DLGAP2: variants seen among roughly 807,000 people sequenced by gnomAD.
The protein encoded by DLGAP2 is DLG associated protein 2.
In DLGAP2, 26 loss-of-function variants were observed where a neutral mutation model predicts 100.3. The observed-to-expected ratio is 0.26, with a 90% CI of 0.19 to 0.36. The LOEUF (loss-of-function observed/expected upper bound fraction) is 0.36, where lower values mean the gene tolerates loss of function less well. Among genes scored for constraint, DLGAP2 ranks in the 10% least tolerant of loss-of-function variants. The pLI, the probability that DLGAP2 is intolerant of heterozygous loss-of-function variation, is 1.00. For synonymous variants in DLGAP2, 886 were observed against 630.1 expected (o/e 1.41, Z -6.08); for missense variants, 1,858 against 1,453.2 (o/e 1.28, Z -4.53).
intron 10 of DLGAP2, among the ~76,000 whole-genome samples, chr8:1,670,520 C>G (rs1798664183): frequency 6.6e-6 from 1 of 152,224 alleles, no homozygotes. Flanking sequence ...GAACTGCACC[C>G]CCAGCCTGTT....
At chr8:1,220,244 T>A (rs192093193) in intron 2 of DLGAP2, among the ~76,000 whole-genome samples, 1 of 152,196 alleles carries the variant, frequency 6.6e-6, no homozygotes. Context: ...TGTAATCATT[T>A]AGTGCTAGAA....
intron 1 of DLGAP2, among the ~76,000 whole-genome samples, chr8:766,205 A>G (rs1046842394): frequency 4.6e-5 from 7 of 152,094 alleles, no homozygotes; most frequent in African/African-American, 1.7e-4. Context: ...AATCCACACA[A>G]CTCACATACA....
At chr8:1,497,494 G>A (rs1304531170) in intron 3 of DLGAP2, among the ~76,000 whole-genome samples, 1 of 152,252 alleles carries the variant, frequency 6.6e-6, no homozygotes, top group East Asian at 1.9e-4. Context: ...GACTGGTGGA[G>A]CAAATGGTTC....
chr8:1,490,590 C>T (rs1799350583), intron 3 of DLGAP2, among the ~76,000 whole-genome samples: 1 of 152,192 alleles, frequency 6.6e-6, no homozygotes, highest in African/African-American at 2.4e-5. Context: ...CCCTGGGCCA[C>T]AGTCGGCTCA....
At chr8:863,521 C>T (rs544330698) in intron 1 of DLGAP2, among the ~76,000 whole-genome samples, 22 of 152,292 alleles carry the variant, frequency 1.4e-4, no homozygotes, top group African/African-American at 3.1e-4. Context: ...GGATATTAAC[C>T]GCTGTCAGAT....
chr8:1,323,607 G>A (rs1034679153), intron 3 of DLGAP2, among the ~76,000 whole-genome samples: 2 of 152,210 alleles, frequency 1.3e-5, no homozygotes, highest in Non-Finnish European at 2.9e-5. Context: ...TGCTGTACGG[G>A]GATGCAGATA....
At chr8:1,365,315 G>T (rs1802084878) in intron 3 of DLGAP2, among the ~76,000 whole-genome samples, 1 of 152,144 alleles carries the variant, frequency 6.6e-6, no homozygotes, top group African/African-American at 2.4e-5. Context: ...TCCGCACCGA[G>T]GCTGCAGGTG....
chr8:1,266,092 A>C (rs926111506), intron 3 of DLGAP2, among the ~76,000 whole-genome samples: 4 of 152,264 alleles, frequency 2.6e-5, no homozygotes, highest in Non-Finnish European at 5.9e-5. Context: ...ATAGAACCTC[A>C]CTGAAGGGAG....
At chr8:1,182,616 T>C (rs957601725) in intron 2 of DLGAP2, among the ~76,000 whole-genome samples, 17 of 152,182 alleles carry the variant, frequency 1.1e-4, no homozygotes, top group African/African-American at 3.6e-4. Flanking sequence ...AAATGAGTGC[T>C]TTTGGCAGTT....
At chr8:1,373,158 T>C (rs1802288269) in intron 3 of DLGAP2, among the ~76,000 whole-genome samples, 1 of 152,300 alleles carries the variant, frequency 6.6e-6, no homozygotes, top group African/African-American at 2.4e-5. Context: ...GGGTCTCATT[T>C]GCTTTGGCCG....
At chr8:1,539,960 C>A (rs554225826) in intron 4 of DLGAP2, among the ~76,000 whole-genome samples, 1 of 152,308 alleles carries the variant, frequency 6.6e-6, no homozygotes, top group Non-Finnish European at 1.5e-5. Context: ...TTCTCTGCTC[C>A]TATGGCCTCC....
At chr8:893,322 G>T (rs1798074668) in intron 1 of DLGAP2, among the ~76,000 whole-genome samples, 1 of 152,220 alleles carries the variant, frequency 6.6e-6, no homozygotes, top group Non-Finnish European at 1.5e-5. Context: ...AGGCACGGTG[G>T]AAGACCCTGA....
At chr8:799,943 T>C (rs1330716121) in intron 1 of DLGAP2, among the ~76,000 whole-genome samples, 3 of 152,234 alleles carry the variant, frequency 2.0e-5, no homozygotes, top group African/African-American at 7.2e-5. Context: ...GAATTAATGC[T>C]GTAATTGCAG....
At chr8:1,561,687 C>T (rs28580355) in intron 5 of DLGAP2, among the ~76,000 whole-genome samples, 53,106 of 147,124 alleles carry the variant, frequency 0.36, 9,834 homozygotes, top group East Asian at 0.49. Flanking sequence ...TGGGTGTCCG[C>T]GCCTCGTTAC....
intron 2 of DLGAP2, among the ~76,000 whole-genome samples, chr8:1,215,062 T>C (rs1328620015): frequency 6.6e-6 from 1 of 152,078 alleles, no homozygotes; most frequent in African/African-American, 2.4e-5. Flanking sequence ...AAAGGGAAAA[T>C]CAACGTCATC....
intron 1 of DLGAP2, among the ~76,000 whole-genome samples, chr8:788,843 C>T (rs1821949599): frequency 6.6e-6 from 1 of 152,128 alleles, no homozygotes; most frequent in South Asian, 2.1e-4. Flanking sequence ...GTGACTTTTT[C>T]CCATGGGCTT....
At chr8:1,436,575 T>C (rs1221526072) in intron 3 of DLGAP2, among the ~76,000 whole-genome samples, 1 of 152,180 alleles carries the variant, frequency 6.6e-6, no homozygotes, top group Non-Finnish European at 1.5e-5. Flanking sequence ...TGACACTCCA[T>C]ATTAACCATC....
chr8:1,537,722 AAAGGATGGAAGGAAGGAAGGAAGG>A (rs1173901273), intron 4 of DLGAP2, among the ~76,000 whole-genome samples: 38 of 121,440 alleles, frequency 3.1e-4, no homozygotes, highest in African/African-American at 9.1e-4. Context: ...TGGATGGATG[AAAGGATGGAAGGAAGGAAGGAAGG>A]AAGGAAGGAA....
At chr8:1,626,930 CAG>C (rs762860044) in intron 7 of DLGAP2, 43 bp downstream of exon 7, 18 of 1,553,392 alleles carry the variant, frequency 1.2e-5, no homozygotes, top group Non-Finnish European at 1.4e-5. Flanking sequence ...CCAGTCTCCC[CAG>C]CCAGGCTGGC....
Sources: gnomAD v4.1 joint callset for allele counts (sites outside exome capture counted in the v4.1 genomes callset) on GRCh38, gnomAD v4.1.1 for gene constraint, MANE v1.5 for transcripts, NCBI Gene and HGNC (gene_info 2026-07-23, HGNC 2026-07-21) for gene names.